Variants in CBY1 observed in about 807,000 individuals in gnomAD.
The protein encoded by CBY1 is protein chibby homolog 1.
In CBY1, 10 loss-of-function variants were observed where a neutral mutation model predicts 15.6. That is an observed-to-expected ratio of 0.64 (90% CI 0.40 to 1.09). The LOEUF is 1.09. Among genes scored for constraint, CBY1 ranks in the 50% least tolerant of loss-of-function variants. The pLI is 0.01. For synonymous variants in CBY1, 61 were observed against 63.5 expected (o/e 0.96, Z 0.19); for missense variants, 150 against 160.5 (o/e 0.93, Z 0.35).
intron 1 of CBY1, chr22:38,657,034 G>C: frequency 1.9e-6 from 1 of 526,902 alleles, no homozygotes; most frequent in African/African-American, 2.1e-5. Context: ...ACAGCCCTGG[G>C]GGCCGTGCAT....
Position 38,671,185 on chromosome 22 carries a change from C to T in CBY1, c.300C>T (p.Asp100=). The T allele has an allele frequency of 1.2e-6, 2 of 1,604,190 alleles. No individual in the cohort carries two copies. The highest frequency in any genetic ancestry group is 1.1e-5 in the South Asian group (1 of 90,840). ...LLRLKVDILL[D]MLSESTAESH... is the part of the protein sequence containing the mutation. ...GGCTGAAAGTGGACATCTTATTAGACATGGTGAGGCAGGTGATGGGGAAGA... is the reference window on the plus strand; with the variant it reads ...GGCTGAAAGTGGACATCTTATTAGATATGGTGAGGCAGGTGATGGGGAAGA... The change falls in exon 4 of 5, where the codon GAC becomes GAT. Residue 100 remains aspartate, a synonymous_variant. Transcript: ENST00000216029.
intron 2 of CBY1, chr22:38,670,668 TGG>T: frequency 2.0e-6 from 1 of 507,810 alleles, no homozygotes; most frequent in Non-Finnish European, 3.5e-6. Context: ...ATAGCTTTTC[TGG>T]AAAACATCTA....
At chr22:38,659,821 C>T (rs2092416761) in intron 1 of CBY1, among the ~76,000 whole-genome samples, 1 of 143,288 alleles carries the variant, frequency 7.0e-6, no homozygotes, top group Admixed American at 7.2e-5. Context: ...GACATCGCAC[C>T]ACTGCACTCC....
chr22:38,670,515 C>T (rs1262751906), intron 2 of CBY1: 1 of 181,748 alleles, frequency 5.5e-6, no homozygotes, highest in Non-Finnish European at 1.2e-5. Flanking sequence ...ACATATGTAG[C>T]TCCATATTAA....
chr22:38,667,018 T>A (rs201175897), intron 1 of CBY1, among the ~76,000 whole-genome samples: 21 of 75,210 alleles, frequency 2.8e-4, no homozygotes, highest in East Asian at 4.8e-4. Flanking sequence ...TTCTTTATTT[T>A]TTTTTTTTTA....
chr22:38,663,806 G>A (rs1207032160), intron 1 of CBY1, among the ~76,000 whole-genome samples: 1 of 151,658 alleles, frequency 6.6e-6, no homozygotes, highest in African/African-American at 2.4e-5. Context: ...TGGATCACTT[G>A]AGGTCAGGAG....
chr22:38,667,832 A>G (rs1010349929), intron 1 of CBY1, 185 bp from the exon 2 acceptor site: 19 of 554,308 alleles, frequency 3.4e-5, no homozygotes, highest in African/African-American at 2.7e-4. Flanking sequence ...CACATGGCCC[A>G]GTCACCCCTT....
intron 2 of CBY1, chr22:38,668,373 T>A (rs2281019): frequency 0.31 from 122,812 of 400,126 alleles, 19,001 homozygotes; most frequent in East Asian, 0.37. Flanking sequence ...TATCCAAATT[T>A]TTTTTTTCTT....
Position 38,673,610 on chromosome 22 carries a change from G to A in CBY1, c.*374G>A, listed in dbSNP as rs948363195. The A allele has an allele frequency of 2.8e-5, 6 of 214,526 alleles. No individual in the cohort carries two copies. The highest frequency in any genetic ancestry group is 4.9e-5 in the Non-Finnish European group (5 of 102,440). 13.3% of individuals were successfully genotyped at this position (214,526 alleles called of 1,614,324 possible). ...GTTCATTCTCTCACCCCCTTATGTT[G>A]GTGTTTGGCGTGTGACAGCAGTTCT... On this transcript the variant is annotated 3_prime_UTR_variant, in exon 5 of 5. Coordinates refer to ENST00000216029, the MANE Select transcript of CBY1 (RefSeq NM_015373.4).
intron 1 of CBY1, chr22:38,657,082 A>C (rs1603109840): frequency 1.0e-6 from 1 of 978,674 alleles, no homozygotes; most frequent in Admixed American, 6.2e-5. Flanking sequence ...CTTGGGGGAC[A>C]CGTATATCTT....
chr22:38,658,864 C>T (rs1210111768), intron 1 of CBY1, among the ~76,000 whole-genome samples: 1 of 152,234 alleles, frequency 6.6e-6, no homozygotes, highest in Non-Finnish European at 1.5e-5. Context: ...TAAAGCATGT[C>T]AGAAGTCTTT....
At chr22:38,663,556 C>T (rs1321426755) in intron 1 of CBY1, among the ~76,000 whole-genome samples, 4 of 148,182 alleles carry the variant, frequency 2.7e-5, no homozygotes, top group African/African-American at 5.0e-5. Context: ...ATTAGCCGGG[C>T]GTGGTGGCGC....
chr22:38,658,429 C>A (rs767051122), intron 1 of CBY1, among the ~76,000 whole-genome samples: 12 of 146,544 alleles, frequency 8.2e-5, no homozygotes, highest in Non-Finnish European at 1.8e-4. Context: ...TGGCCTCTTT[C>A]TTTTTTTTAA....
chr22:38,662,319 A>T (rs2092424538), intron 1 of CBY1, among the ~76,000 whole-genome samples: 1 of 151,612 alleles, frequency 6.6e-6, no homozygotes, highest in African/African-American at 2.4e-5. Flanking sequence ...AAAATAAATA[A>T]ATAAATAAAA....
At chr22:38,661,647 T>C (rs1349991598) in intron 1 of CBY1, among the ~76,000 whole-genome samples, 1 of 152,246 alleles carries the variant, frequency 6.6e-6, no homozygotes, top group Non-Finnish European at 1.5e-5. Context: ...AATTTCTCCC[T>C]TAATGAAAAC....
At chr22:38,672,145 C>T (rs1014071098) in intron 4 of CBY1, among the ~76,000 whole-genome samples, 9 of 151,276 alleles carry the variant, frequency 5.9e-5, no homozygotes, top group Non-Finnish European at 1.0e-4. Context: ...GCCTATAATC[C>T]CAGCTACTCA....
rs1011408206 is a variant in CBY1, at chr22:38,664,554, C to T, written c.-38-3463C>T. ...TGTCCAAGGAGTATGTTAAATGATG[C>T]TCAACTTAATTAGTTATTTGGGAAA... is the stretch of plus-strand genomic sequence containing the variant. On this transcript the variant is annotated intron_variant, in intron 1 of 4. Coordinates refer to ENST00000216029, the MANE Select transcript of CBY1 (RefSeq NM_015373.4). Among the ~76,000 whole-genome samples the T allele has an allele frequency of 5.0e-4, 76 of 151,234 alleles. 1 individual carries two copies. The highest frequency in any genetic ancestry group is 1.8e-3 in the African/African-American group (74 of 41,226).
At chr22:38,660,314 C>T (rs1001763402) in intron 1 of CBY1, among the ~76,000 whole-genome samples, 4 of 151,670 alleles carry the variant, frequency 2.6e-5, no homozygotes, top group African/African-American at 7.3e-5. Flanking sequence ...CCTGTCTCAG[C>T]CCCCCGAGTA....
At chr22:38,658,078 A>G (rs1285754043) in intron 1 of CBY1, among the ~76,000 whole-genome samples, 3 of 151,996 alleles carry the variant, frequency 2.0e-5, no homozygotes, top group Non-Finnish European at 4.4e-5. Flanking sequence ...TTCAGGTTTA[A>G]CCACTATGAA....
Sources: gnomAD v4.1 joint callset for allele counts (sites outside exome capture counted in the v4.1 genomes callset) on GRCh38, gnomAD v4.1.1 for gene constraint, MANE v1.5 for transcripts, NCBI Gene and HGNC (gene_info 2026-07-23, HGNC 2026-07-21) for gene names.